The following SENP5 variants were observed in gnomAD, a reference collection of about 807,000 sequenced individuals.
The protein encoded by SENP5 is sentrin-specific protease 5.
Under a neutral mutation model 74.2 loss-of-function variants are expected in SENP5, and 21 were observed. The ratio of observed to expected loss-of-function variants is 0.28; its 90% CI spans 0.20 to 0.41. The LOEUF is 0.41. Ranked by LOEUF, SENP5 falls within the 10% of genes least tolerant of loss-of-function variation. The pLI is 1.00. For synonymous variants in SENP5, 311 were observed against 312.7 expected, an observed-to-expected ratio of 0.99 and a Z score of 0.06; for missense variants, 717 against 889.1, an observed-to-expected ratio of 0.81 and a Z score of 2.46.
At chr3:196,899,560 C>T (rs1714608556) in intron 2 of SENP5, 106 bp from the exon 3 acceptor site, 2 of 665,716 alleles carry the variant, frequency 3.0e-6, no homozygotes, top group Admixed American at 2.5e-5. Flanking sequence ...TATAGGTTAA[C>T]CACTGTATGT....
chr3:196,891,947 C>T (rs915146860), intron 2 of SENP5, among the ~76,000 whole-genome samples: 6 of 151,504 alleles, frequency 4.0e-5, no homozygotes, highest in East Asian at 2.0e-4. Flanking sequence ...TGTGCCACCA[C>T]GCCCGGCTAA....
chr3:196,911,376 C>A (rs1715117699), intron 6 of SENP5, among the ~76,000 whole-genome samples: 1 of 151,700 alleles, frequency 6.6e-6, no homozygotes, highest in Non-Finnish European at 1.5e-5. Context: ...AAAAATAAAC[C>A]ATCAGAAAGT....
intron 1 of SENP5, among the ~76,000 whole-genome samples, chr3:196,879,926 T>C (rs1713648394): frequency 6.6e-6 from 1 of 152,162 alleles, no homozygotes; most frequent in African/African-American, 2.4e-5. Flanking sequence ...CACCTAGCTT[T>C]GCTCCGAAGT....
At chr3:196,927,971 CAG>C (rs1715878834) in intron 8 of SENP5, 92 bp downstream of exon 8, 8 of 737,198 alleles carry the variant, frequency 1.1e-5, no homozygotes, top group South Asian at 1.7e-5. Flanking sequence ...AGACTAGTGA[CAG>C]AGATACCAAG....
chr3:196,917,988 AT>A (rs750184708), intron 6 of SENP5, among the ~76,000 whole-genome samples: 1 of 152,144 alleles, frequency 6.6e-6, no homozygotes, highest in African/African-American at 2.4e-5. Flanking sequence ...TATAATTACA[AT>A]TTTTTAAGCG....
At position 196,882,542 on chromosome 3, in the gene SENP5, C is replaced by T. The variant is rs569569061; in HGVS notation, c.-31-2609C>T. On this transcript the variant is annotated intron_variant, in intron 1 of 9. Transcript: ENST00000323460. The stretch of plus-strand genomic sequence containing the variant: ...TTTTTGAGACAGAGTCTTGCTCTGT[C>T]GCCCAGGCTAGACTGCAGTGGTGCG... Among the ~76,000 whole-genome samples, 10 of 152,194 alleles carry T rather than the reference C, an allele frequency of 6.6e-5. No individual in the cohort carries two copies. In the South Asian group the frequency reaches 1.0e-3, roughly 16 times the overall value.
intron 2 of SENP5, among the ~76,000 whole-genome samples, chr3:196,887,820 G>C (rs1225545887): frequency 6.6e-6 from 1 of 152,022 alleles, no homozygotes; most frequent in African/African-American, 2.4e-5. Flanking sequence ...CCAGGCTGGA[G>C]TGCAGTGACG....
intron 2 of SENP5, among the ~76,000 whole-genome samples, chr3:196,891,823 CTCTT>C (rs1214319041): frequency 3.3e-5 from 5 of 152,184 alleles, no homozygotes; most frequent in Non-Finnish European, 7.3e-5. Flanking sequence ...CGGAGTCTCA[CTCTT>C]TCTCCCAGGC....
chr3:196,914,563 TTA>T, intron 6 of SENP5: 1 of 21,122 alleles, frequency 4.7e-5, no homozygotes, highest in Non-Finnish European at 1.1e-4. Context: ...GAGGTTTGCT[TTA>T]AAAAAAAAAA....
At chr3:196,874,580 T>C (rs116152970) in intron 1 of SENP5, among the ~76,000 whole-genome samples, 1,664 of 152,250 alleles carry the variant, frequency 0.011, 21 homozygotes, top group African/African-American at 0.032. Context: ...TTGCTTAGTC[T>C]TTCTTTATTT....
intron 2 of SENP5, among the ~76,000 whole-genome samples, chr3:196,896,833 A>T (rs1714460972): frequency 1.3e-5 from 2 of 152,152 alleles, no homozygotes; most frequent in African/African-American, 4.8e-5. Context: ...TGCTTGTCTT[A>T]TGAGTATTTT....
At chr3:196,911,819 CAA>C (rs1237371703) in intron 6 of SENP5, among the ~76,000 whole-genome samples, 2 of 151,424 alleles carry the variant, frequency 1.3e-5, no homozygotes, top group East Asian at 3.9e-4. Flanking sequence ...CAAAAAAAAA[CAA>C]AACAAAAACA....
At chr3:196,914,241 A>T (rs540431132) in intron 6 of SENP5, 20 of 152,294 alleles carry the variant, frequency 1.3e-4, no homozygotes, top group African/African-American at 4.8e-4. Context: ...GATGTAGATA[A>T]TACCCAAGTA....
intron 7 of SENP5, among the ~76,000 whole-genome samples, chr3:196,926,977 A>T (rs1356488347): frequency 6.6e-6 from 1 of 152,096 alleles, no homozygotes; most frequent in Admixed American, 6.5e-5. Flanking sequence ...GGGGTGGGTT[A>T]TTCACATAAC....
chr3:196,913,647 C>CTTTTTTT (rs1229412806), intron 6 of SENP5, among the ~76,000 whole-genome samples: 26 of 98,082 alleles, frequency 2.7e-4, no homozygotes, highest in Non-Finnish European at 3.3e-4. Context: ...ATAAGAAAGG[C>CTTTTTTT]TTTTTTTTTT....
intron 5 of SENP5, among the ~76,000 whole-genome samples, chr3:196,900,669 T>G (rs1437489059): frequency 6.6e-6 from 1 of 152,166 alleles, no homozygotes; most frequent in African/African-American, 2.4e-5. Context: ...CATTGCAACC[T>G]CCACCTCCCG....
At chr3:196,874,689 G>C (rs1002923591) in intron 1 of SENP5, among the ~76,000 whole-genome samples, 2 of 152,126 alleles carry the variant, frequency 1.3e-5, no homozygotes. Context: ...AGACCAGCCT[G>C]ACCAACATGG....
intron 2 of SENP5, among the ~76,000 whole-genome samples, chr3:196,889,769 G>A (rs532130790): frequency 4.6e-5 from 7 of 152,294 alleles, no homozygotes; most frequent in African/African-American, 1.7e-4. Context: ...AGCTCCCACT[G>A]GGCAAAAAGT....
rs1156803097 is a variant in SENP5 at position 196,869,973 on chromosome 3, C to T, written c.-32+1900C>T. On this transcript the variant is annotated intron_variant, in intron 1 of 9. Coordinates refer to ENST00000323460, the MANE Select transcript of SENP5 (RefSeq NM_152699.5). ...GTGCTCTATACACAGGCCTGCCTTT[C>T]TGCCTCCTTCATCCTGGCATGCATG... is the stretch of plus-strand genomic sequence containing the variant. 6.6e-5 allele frequency among the ~76,000 whole-genome samples: 10 copies of T among 151,656 alleles called. 1 individual carries two copies. Among genetic ancestry groups the T allele is most frequent in the Admixed American group, 5.9e-4 (9 of 15,180 alleles).
Sources: gnomAD v4.1 joint callset for allele counts (sites outside exome capture counted in the v4.1 genomes callset) on GRCh38, gnomAD v4.1.1 for gene constraint, MANE v1.5 for transcripts, NCBI Gene and HGNC (gene_info 2026-07-23, HGNC 2026-07-21) for gene names.